The following ANK3 variants were observed in gnomAD, a reference collection of about 807,000 sequenced individuals.
ANK3 encodes the protein ankyrin 3.
Under a neutral mutation model 370.9 loss-of-function variants are expected in ANK3, and 57 were observed. That is an observed-to-expected ratio of 0.15 (90% CI 0.12 to 0.19). The LOEUF (loss-of-function observed/expected upper bound fraction) is 0.19, where lower values mean the gene tolerates loss of function less well. ANK3 is among the 10% of genes least tolerant of loss of function. The pLI is 1.00. For missense variants in ANK3, 4,439 were observed against 5,302.1 expected, an observed-to-expected ratio of 0.84 and a Z score of 5.06; for synonymous variants, 1,929 against 1,946.3, an observed-to-expected ratio of 0.99 and a Z score of 0.23.
chr10:60,176,911 C>G (rs1004348032), intron 18 of ANK3, among the ~76,000 whole-genome samples: 8 of 152,124 alleles, frequency 5.3e-5, no homozygotes, highest in Non-Finnish European at 1.2e-4. Flanking sequence ...GCACTCCTTT[C>G]AAATATTTCT....
At chr10:60,099,018 TATGAG>T (rs1312970718) in intron 28 of ANK3, among the ~76,000 whole-genome samples, 4 of 152,214 alleles carry the variant, frequency 2.6e-5, no homozygotes, top group Admixed American at 6.5e-5. Context: ...ATTATGTGCT[TATGAG>T]ATATTACTTT....
chr10:60,517,912 C>A (rs138872204), intron 2 of ANK3, among the ~76,000 whole-genome samples: 1,669 of 152,164 alleles, frequency 0.011, 19 homozygotes, highest in Non-Finnish European at 0.018. Flanking sequence ...ACCCCACTGG[C>A]TAGCTGTGCA....
intron 8 of ANK3, among the ~76,000 whole-genome samples, chr10:60,220,567 T>C (rs949390131): frequency 1.3e-5 from 2 of 152,198 alleles, no homozygotes; most frequent in African/African-American, 4.8e-5. Context: ...AACTTAGATA[T>C]TCCTTTGTAT....
At chr10:60,680,899 A>AT (rs1262802147) in intron 1 of ANK3, among the ~76,000 whole-genome samples, 2 of 152,208 alleles carry the variant, frequency 1.3e-5, no homozygotes, top group African/African-American at 4.8e-5. Context: ...TAACTATCTC[A>AT]TAAGGCCACT....
At chr10:60,430,026 A>G (rs1463010730) in intron 2 of ANK3, among the ~76,000 whole-genome samples, 1 of 152,246 alleles carries the variant, frequency 6.6e-6, no homozygotes, top group Non-Finnish European at 1.5e-5. Flanking sequence ...ATGCTTATAT[A>G]CAAGTAGTAA....
At chr10:60,716,776 A>C (rs2132020662) in intron 1 of ANK3, among the ~76,000 whole-genome samples, 1 of 152,268 alleles carries the variant, frequency 6.6e-6, no homozygotes, top group Non-Finnish European at 1.5e-5. Flanking sequence ...TTGGCCTCCC[A>C]AAGTGGTGGG....
chr10:60,198,667 C>T (rs1297678690), intron 13 of ANK3, 130 bp from the exon 14 acceptor site: 9 of 758,336 alleles, frequency 1.2e-5, no homozygotes, highest in Non-Finnish European at 2.0e-5. Flanking sequence ...GCTAAAAAAA[C>T]TCATTTGTCT....
intron 2 of ANK3, among the ~76,000 whole-genome samples, chr10:60,408,069 T>C (rs1286885623): frequency 6.6e-6 from 1 of 152,230 alleles, no homozygotes; most frequent in Non-Finnish European, 1.5e-5. Flanking sequence ...TGATGTTTTC[T>C]CATTTTCTTT....
At chr10:60,452,438 C>T (rs1284972644) in intron 2 of ANK3, among the ~76,000 whole-genome samples, 2 of 152,230 alleles carry the variant, frequency 1.3e-5, no homozygotes, top group Non-Finnish European at 2.9e-5. Flanking sequence ...CACTGAGAAA[C>T]TGTGCCTGGC....
chr10:60,139,041 C>T lies in ANK3; in HGVS notation c.2661G>A (p.Gln887=), dbSNP rs765811800. 5 of 1,613,804 alleles carry T rather than the reference C, an allele frequency of 3.1e-6. No homozygotes were observed. The highest frequency in any genetic ancestry group is 4.2e-6 in the Non-Finnish European group (5 of 1,179,828). The change falls in exon 24 of 44, where the codon CAG becomes CAA. Residue 887 remains glutamine, a synonymous_variant. Coordinates refer to ENST00000280772, the MANE Select transcript of ANK3 (RefSeq NM_020987.5). The stretch of plus-strand genomic sequence containing the variant: ...AATCATCACCCAATTCCTTAAGGTC[C>T]TGTGGCCCAAGATATTTGTCTGTGT... The part of the protein sequence containing the change: ...TGDTDKYLGP[Q]DLKELGDDSL...
At chr10:60,118,938 T>A (rs1459571484) in intron 25 of ANK3, among the ~76,000 whole-genome samples, 1 of 152,146 alleles carries the variant, frequency 6.6e-6, no homozygotes, top group Non-Finnish European at 1.5e-5. Context: ...GGATTCCACA[T>A]CCCTCTGAGT....
intron 2 of ANK3, among the ~76,000 whole-genome samples, chr10:60,483,848 C>G (rs971320134): frequency 6.6e-6 from 1 of 152,082 alleles, no homozygotes; most frequent in African/African-American, 2.4e-5. Context: ...ATTCTTAGGT[C>G]ACAAAGGGCT....
At chr10:60,557,150 C>A (rs1284294678) in intron 2 of ANK3, among the ~76,000 whole-genome samples, 4 of 152,108 alleles carry the variant, frequency 2.6e-5, no homozygotes, top group African/African-American at 9.7e-5. Flanking sequence ...TAGGTATATA[C>A]CCAAAAGAAC....
intron 2 of ANK3, among the ~76,000 whole-genome samples, chr10:60,520,042 G>T (rs894781794): frequency 6.6e-6 from 1 of 152,030 alleles, no homozygotes; most frequent in African/African-American, 2.4e-5. Flanking sequence ...TCAAGCTCAG[G>T]TCTGTTGATG....
At chr10:60,085,100 C>T in intron 31 of ANK3, 57 bp downstream of exon 31, 1 of 1,427,750 alleles carries the variant, frequency 7.0e-7, no homozygotes. Context: ...TTTTTACTTT[C>T]CAAAAGGTAA....
Position 60,261,972 on chromosome 10 carries a change from T to C in ANK3, c.700-15A>G, listed in dbSNP as rs750267332. The C allele has an allele frequency of 3.1e-6, 5 of 1,603,700 alleles. No individual in the cohort carries two copies. Among genetic ancestry groups the C allele is most frequent in the East Asian group, 2.2e-5 (1 of 44,806 alleles). On this transcript the variant is annotated splice_polypyrimidine_tract_variant and intron_variant, in intron 6 of 43. Coordinates refer to ENST00000280772, the MANE Select transcript of ANK3 (RefSeq NM_020987.5). ...GTGAAGCCACTCTGTAAAGAAAACA[T>C]AGCAGACATTCAATTGATTCCTGCC...
chr10:60,180,326 G>A lies in ANK3; in HGVS notation c.2184+1003C>T, dbSNP rs560922739. Among the ~76,000 whole-genome samples, 12 of 147,226 alleles carry A rather than the reference G, an allele frequency of 8.2e-5. No homozygotes were observed. The South Asian group carries it at 1.5e-3, about 18-fold the overall frequency. On this transcript the variant is annotated intron_variant, in intron 18 of 43. Transcript: ENST00000280772. ...AAAGAAAGCATATGTGGCTGGGTGCGGGGGCTCACGCCTGTAATCCCAGCA... is the reference window on the plus strand; with the variant it reads ...AAAGAAAGCATATGTGGCTGGGTGCAGGGGCTCACGCCTGTAATCCCAGCA...
At chr10:60,240,297 TA>T (rs1194128961) in intron 7 of ANK3, among the ~76,000 whole-genome samples, 39 of 102,948 alleles carry the variant, frequency 3.8e-4, no homozygotes, top group African/African-American at 1.3e-3. Context: ...TATATATATA[TA>T]TATATATATT....
At chr10:60,578,323 T>C (rs932262949) in intron 2 of ANK3, among the ~76,000 whole-genome samples, 1 of 152,210 alleles carries the variant, frequency 6.6e-6, no homozygotes, top group Non-Finnish European at 1.5e-5. Context: ...GTTGGTATGG[T>C]TTTTTGAGCA....
Sources: allele counts gnomAD v4.1 joint callset (sites outside exome capture counted in the v4.1 genomes callset), GRCh38; gene constraint gnomAD v4.1.1; transcripts MANE v1.5; gene names NCBI Gene and HGNC (gene_info 2026-07-23, HGNC 2026-07-21).